Variants in CCDC77 observed in about 807,000 individuals in gnomAD.
The protein encoded by CCDC77 is coiled-coil domain containing 77.
A neutral mutation model predicts 66.8 loss-of-function variants in CCDC77; 56 were observed. That is an observed-to-expected ratio of 0.84 (90% confidence interval 0.68 to 1.05). The LOEUF is 1.05. CCDC77 is among the 50% of genes least tolerant of loss of function. CCDC77 has a pLI of 0.00. For synonymous variants in CCDC77, 196 were observed against 195.2 expected (o/e 1.00, Z -0.03); for missense variants, 570 against 576.8 (o/e 0.99, Z 0.12).
intron 5 of CCDC77, 50 bp downstream of exon 5, chr12:418,686 C>CATTT (rs748057873): frequency 6.8e-7 from 1 of 1,475,076 alleles, no homozygotes; most frequent in Non-Finnish European, 9.4e-7. Flanking sequence ...AAATTACATT[C>CATTT]ATTCATTCAT....
rs1945841963 is a variant in CCDC77 at position 440,709 on chromosome 12, T to C, written c.1134T>C (p.Arg378=). The C allele has an allele frequency of 6.2e-7, 1 of 1,613,992 alleles. No homozygotes were observed. The highest frequency in any genetic ancestry group is 1.3e-5 in the African/African-American group (1 of 74,932). The change falls in exon 11 of 13, where the codon CGT becomes CGC. Residue 378 remains arginine (R), a synonymous_variant. Transcript: ENST00000239830. ...TAGAAGAAGAACTTGCCCGAATTCG[T>C]GAGGAAGAGGGAATGAGGAGAGAGA... is the stretch of plus-strand genomic sequence containing the variant. ...ISLEEELARI[R]EEEGMRREIF...
At position 418,546 on chromosome 12, in the gene CCDC77, A is replaced by G; in HGVS notation, c.323A>G (p.Gln108Arg). The change falls in exon 5 of 13, where the codon CAG (glutamine) becomes CGG (arginine). Residue 108 changes from glutamine to arginine, a missense_variant. Transcript: ENST00000239830. ...QQREEEIAEL[Q>R]KALSDMQVCL... ...AGGGAGGAAGAGATTGCTGAATTGC[A>G]GAAAGCTCTAAGTGATATGCAGGTC... The G allele has an allele frequency of 6.2e-7, 1 of 1,614,116 alleles. No homozygotes were observed. Among genetic ancestry groups the G allele is most frequent in the South Asian group, 1.1e-5 (1 of 91,092 alleles).
intron 5 of CCDC77, chr12:418,931 T>C: frequency 3.3e-6 from 1 of 299,962 alleles, no homozygotes; most frequent in Non-Finnish European, 6.3e-6. Context: ...ACTCTTGGCC[T>C]CAAGTGATCC....
chr12:401,855 A>AG (rs1312045287), intron 1 of CCDC77, among the ~76,000 whole-genome samples, 171 bp downstream of exon 1: 1 of 152,142 alleles, frequency 6.6e-6, no homozygotes, highest in Non-Finnish European at 1.5e-5. Flanking sequence ...CAATGTGCAA[A>AG]GGGAGAGACC....
At position 413,311 on chromosome 12, in the gene CCDC77, A is replaced by G. The variant is rs1189184264; in HGVS notation, c.270+1333A>G. 6.9e-3 allele frequency among the ~76,000 whole-genome samples: 874 copies of G among 126,930 alleles called. No individual in the cohort carries two copies. In the Middle Eastern group the frequency reaches 0.082, roughly 12 times the overall value. The allele number at this position is 126,930 out of a possible 152,430, so 83.3% of individuals were successfully genotyped here. A position where few individuals can be genotyped will look rare whatever the true frequency, so the allele number is the denominator to read the frequency against. On this transcript the variant is annotated intron_variant, in intron 4 of 12. Coordinates refer to ENST00000239830, the MANE Select transcript of CCDC77 (RefSeq NM_032358.4). ...GAGTGCAGTGGCGCGATCTCAGCTC[A>G]CTGCAAGCTCCGCCTCCCGGGTTCA...
chr12:411,565 A>C (rs1945111687), intron 3 of CCDC77, among the ~76,000 whole-genome samples, 182 bp from the exon 4 acceptor site: 1 of 151,694 alleles, frequency 6.6e-6, no homozygotes, highest in Non-Finnish European at 1.5e-5. Context: ...TGATTCTCCC[A>C]CCTTGGCCTC....
At chr12:428,625 A>G (rs1945582544) in intron 5 of CCDC77, 144 bp from the exon 6 acceptor site, 2 of 499,030 alleles carry the variant, frequency 4.0e-6, no homozygotes, top group African/African-American at 4.0e-5. Context: ...GATACAAACT[A>G]TTCAATTTTA....
At chr12:422,733 C>T (rs1227403472) in intron 5 of CCDC77, among the ~76,000 whole-genome samples, 1 of 152,252 alleles carries the variant, frequency 6.6e-6, no homozygotes, top group African/African-American at 2.4e-5. Flanking sequence ...ACCTCAGCCT[C>T]TTGAGTAACT....
At chr12:417,285 A>G (rs769157612) in intron 4 of CCDC77, among the ~76,000 whole-genome samples, 10 of 152,160 alleles carry the variant, frequency 6.6e-5, no homozygotes, top group Non-Finnish European at 4.4e-5. Flanking sequence ...CCTTTCTGAC[A>G]ACATCAGGCT....
At chr12:424,633 G>C (rs955672232) in intron 5 of CCDC77, among the ~76,000 whole-genome samples, 3 of 151,930 alleles carry the variant, frequency 2.0e-5, no homozygotes, top group African/African-American at 7.2e-5. Context: ...CGAGCCAGGA[G>C]TTTTTAATTT....
chr12:428,368 G>T (rs568536889), intron 5 of CCDC77, among the ~76,000 whole-genome samples: 3 of 151,976 alleles, frequency 2.0e-5, no homozygotes, highest in African/African-American at 7.2e-5. Context: ...AAAATTAGCC[G>T]GGCATAGTGG....
upstream of CCDC77, among the ~76,000 whole-genome samples, chr12:401,048 T>C (rs1409376854): frequency 6.6e-6 from 1 of 152,208 alleles, no homozygotes; most frequent in African/African-American, 2.4e-5. Context: ...TACACCTTGC[T>C]TTCTGGAAAG....
At position 438,563 on chromosome 12, in the gene CCDC77, C is replaced by T; in HGVS notation, c.1041+9C>T. On this transcript the variant is annotated intron_variant, in intron 10 of 12. Transcript: ENST00000239830. The stretch of plus-strand genomic sequence containing the variant: ...AAAGTGAATATATTAAGGTAATGTC[C>T]TTATGTCGTAACGAAGTTGTTTATT... The T allele has an allele frequency of 6.3e-7, 1 of 1,578,514 alleles. No individual in the cohort carries two copies. The highest frequency in any genetic ancestry group is 8.6e-7 in the Non-Finnish European group (1 of 1,157,436).
At chr12:406,949 A>T (rs917272443) in intron 2 of CCDC77, among the ~76,000 whole-genome samples, 3 of 152,226 alleles carry the variant, frequency 2.0e-5, no homozygotes, top group African/African-American at 7.2e-5. Context: ...TTTGTCTCAC[A>T]CACACAAAAG....
chr12:389,573 A>G (rs796772805), intron 1 of CCDC77: 4,801 of 42,630 alleles, frequency 0.11, 177 homozygotes, highest in East Asian at 0.33. Flanking sequence ...GCGAGGCGCA[A>G]CGAGGCGGGG....
At chr12:389,709 A>G (rs117638755) in intron 1 of CCDC77, among the ~76,000 whole-genome samples, 3,150 of 152,228 alleles carry the variant, frequency 0.021, 46 homozygotes, top group Non-Finnish European at 0.029. Context: ...ACTCGAAAAC[A>G]CGCCGGGCTT....
At chr12:434,493 C>A (rs1418309910) in intron 9 of CCDC77, among the ~76,000 whole-genome samples, 1 of 151,998 alleles carries the variant, frequency 6.6e-6, no homozygotes. Context: ...GCTGTGATTA[C>A]AGGCATGTGC....
chr12:394,256 C>T (rs1466409209), intron 1 of CCDC77, among the ~76,000 whole-genome samples: 1 of 152,170 alleles, frequency 6.6e-6, no homozygotes, highest in East Asian at 1.9e-4. Context: ...TCGAGAAAAC[C>T]CTCTGTATGC....
At chr12:408,927 C>T (rs1306119048) in intron 2 of CCDC77, among the ~76,000 whole-genome samples, 3 of 152,030 alleles carry the variant, frequency 2.0e-5, no homozygotes, top group South Asian at 2.1e-4. Flanking sequence ...CATTTTAGGC[C>T]GGGCGTGGTG....
Sources: allele counts gnomAD v4.1 joint callset (sites outside exome capture counted in the v4.1 genomes callset), GRCh38; gene constraint gnomAD v4.1.1; transcripts MANE v1.5; gene names NCBI Gene and HGNC (gene_info 2026-07-23, HGNC 2026-07-21).